Variants in SETBP1 observed in about 807,000 individuals in gnomAD.
SETBP1 encodes the protein SET binding protein 1.
Under a neutral mutation model 101.0 loss-of-function variants are expected in SETBP1, and 9 were observed. The ratio of observed to expected loss-of-function variants is 0.09; its 90% CI spans 0.05 to 0.16. The LOEUF is 0.16. Among genes scored for constraint, SETBP1 ranks in the 10% least tolerant of loss-of-function variants. SETBP1 has a pLI of 1.00. For missense variants in SETBP1, 1,858 were observed against 2,033.8 expected (o/e 0.91, Z 1.66); for synonymous variants, 818 against 788.5 (o/e 1.04, Z -0.63).
At chr18:44,961,694 G>T (rs1406777098) in intron 4 of SETBP1, among the ~76,000 whole-genome samples, 1 of 152,062 alleles carries the variant, frequency 6.6e-6, no homozygotes, top group Non-Finnish European at 1.5e-5. Flanking sequence ...AAAAGGTAAA[G>T]GTTATAGTAT....
intron 2 of SETBP1, among the ~76,000 whole-genome samples, chr18:44,756,653 C>T (rs1341835923): frequency 6.6e-6 from 1 of 152,216 alleles, no homozygotes; most frequent in Non-Finnish European, 1.5e-5. Flanking sequence ...CTCACACCAC[C>T]CCTTTCCCTT....
rs548105094 is a variant in SETBP1, at chr18:44,950,832, C to G, written c.1492C>G (p.Arg498Gly). The G allele has an allele frequency of 4.0e-5, 65 of 1,614,012 alleles. No individual in the cohort carries two copies. Among genetic ancestry groups the G allele is most frequent in the Middle Eastern group, 1.6e-4 (1 of 6,084 alleles). ...KVIPGGVSKPRKPPMVMTPPT... is the reference protein window; with the variant it reads ...KVIPGGVSKPGKPPMVMTPPT... The stretch of plus-strand genomic sequence containing the variant: ...TATCCCAGGAGGTGTGTCTAAGCCG[C>G]GGAAGCCACCCATGGTCATGACACC... The change falls in exon 4 of 6, where the codon CGG (arginine) becomes GGG (glycine). Residue 498 changes from arginine (R) to glycine (G), a missense_variant. By Grantham distance (125) the Arg-to-Gly change is moderately radical (BLOSUM62 -2). Around this residue, in one of 12 missense-constraint regions of SETBP1, gnomAD observed 581 missense variants for 535.1 expected, o/e 1.09. Transcript: ENST00000649279.
intron 4 of SETBP1, among the ~76,000 whole-genome samples, chr18:45,002,816 T>C (rs2072644927): frequency 6.6e-6 from 1 of 152,196 alleles, no homozygotes; most frequent in South Asian, 2.1e-4. Context: ...AGGCTAGTTT[T>C]AAGGGCTCAG....
chr18:44,902,422 G>A (rs1212232046), intron 3 of SETBP1, among the ~76,000 whole-genome samples: 1 of 149,754 alleles, frequency 6.7e-6, no homozygotes, highest in Non-Finnish European at 1.5e-5. Context: ...ATTGGGTTGG[G>A]GCTCTTGATG....
intron 4 of SETBP1, among the ~76,000 whole-genome samples, chr18:44,954,333 A>G (rs1312009568): frequency 2.2e-4 from 32 of 145,726 alleles, no homozygotes; most frequent in Non-Finnish European, 4.1e-4. Context: ...AGAAGCTAAA[A>G]AAAAAAAAAA....
intron 4 of SETBP1, among the ~76,000 whole-genome samples, chr18:44,970,595 A>T (rs2071824997): frequency 6.6e-6 from 1 of 151,868 alleles, no homozygotes; most frequent in South Asian, 2.1e-4. Flanking sequence ...CTTGTTCCCC[A>T]GGCTGCAGTG....
intron 4 of SETBP1, among the ~76,000 whole-genome samples, chr18:44,954,653 G>A (rs1018974999): frequency 4.6e-5 from 7 of 152,152 alleles, no homozygotes; most frequent in African/African-American, 1.7e-4. Flanking sequence ...GAGTTGTAGT[G>A]GTAGATGTTC....
At chr18:44,904,229 T>C (rs989376688) in intron 3 of SETBP1, among the ~76,000 whole-genome samples, 5 of 152,222 alleles carry the variant, frequency 3.3e-5, no homozygotes, top group Non-Finnish European at 7.3e-5. Context: ...AATGAATTAC[T>C]CCTCTGTGAC....
At chr18:44,730,833 T>A (rs576726748) in intron 2 of SETBP1, among the ~76,000 whole-genome samples, 3 of 152,212 alleles carry the variant, frequency 2.0e-5, no homozygotes. Flanking sequence ...GTTCTAATTA[T>A]CTACTGCTGT....
At chr18:44,856,023 T>C (rs2072970079) in intron 2 of SETBP1, among the ~76,000 whole-genome samples, 3 of 149,014 alleles carry the variant, frequency 2.0e-5, no homozygotes, top group South Asian at 2.1e-4. Context: ...ACTTCAGTCA[T>C]GGGGCCTAGA....
chr18:44,703,230 T>C (rs1385552380), intron 2 of SETBP1, among the ~76,000 whole-genome samples: 1 of 152,148 alleles, frequency 6.6e-6, no homozygotes, highest in Admixed American at 6.5e-5. Context: ...ACTCTCTCCC[T>C]GACATTTGAT....
chr18:44,729,309 A>G (rs2069783919), intron 2 of SETBP1, among the ~76,000 whole-genome samples: 2 of 152,234 alleles, frequency 1.3e-5, no homozygotes, highest in Admixed American at 1.3e-4. Flanking sequence ...ATCATAGGGG[A>G]GAGAGACTGG....
chr18:45,039,652 T>C (rs1214397806), intron 5 of SETBP1, among the ~76,000 whole-genome samples: 1 of 152,218 alleles, frequency 6.6e-6, no homozygotes, highest in Non-Finnish European at 1.5e-5. Flanking sequence ...TGAATTAACA[T>C]ATTAATGTAA....
At chr18:44,948,365 G>A (rs2071257762) in intron 3 of SETBP1, among the ~76,000 whole-genome samples, 1 of 152,104 alleles carries the variant, frequency 6.6e-6, no homozygotes, top group Admixed American at 6.6e-5. Context: ...TGACTGCATT[G>A]AATTGTCCCT....
intron 2 of SETBP1, among the ~76,000 whole-genome samples, chr18:44,717,639 G>C (rs1044870873): frequency 6.6e-6 from 1 of 152,160 alleles, no homozygotes; most frequent in Non-Finnish European, 1.5e-5. Context: ...AAAGGGTCAG[G>C]GAATGAACAT....
intron 2 of SETBP1, among the ~76,000 whole-genome samples, chr18:44,730,361 G>C (rs1030878783): frequency 6.6e-6 from 1 of 152,190 alleles, no homozygotes; most frequent in African/African-American, 2.4e-5. Context: ...TGGAGTCCTT[G>C]GGATGCAATG....
chr18:45,014,090 T>C (rs1411222900), intron 4 of SETBP1, among the ~76,000 whole-genome samples: 1 of 152,184 alleles, frequency 6.6e-6, no homozygotes, highest in Non-Finnish European at 1.5e-5. Context: ...GCATTGGGAC[T>C]CAAATTCTCC....
intron 2 of SETBP1, among the ~76,000 whole-genome samples, chr18:44,764,077 G>A (rs1466448126): frequency 6.6e-6 from 1 of 152,198 alleles, no homozygotes; most frequent in Non-Finnish European, 1.5e-5. Context: ...GTCAAATTAG[G>A]ATGCTCCTGT....
intron 3 of SETBP1, among the ~76,000 whole-genome samples, chr18:44,908,346 T>C (rs1208999248): frequency 6.6e-6 from 1 of 152,140 alleles, no homozygotes; most frequent in Non-Finnish European, 1.5e-5. Context: ...CCACCACACC[T>C]GGCCCCTCCT....
Sources: gnomAD v4.1 joint callset for allele counts (sites outside exome capture counted in the v4.1 genomes callset) on GRCh38, gnomAD v4.1.1 for gene constraint, gnomAD v4.1.1 regional missense constraint, MANE v1.5 for transcripts, NCBI Gene and HGNC (gene_info 2026-07-23, HGNC 2026-07-21) for gene names.